Variants in NCAM2 observed in about 807,000 individuals in gnomAD.
The protein encoded by NCAM2 is N-CAM-2.
A neutral mutation model predicts 98.1 loss-of-function variants in NCAM2; 30 were observed. That is an observed-to-expected ratio of 0.31 (90% CI 0.23 to 0.41). NCAM2 has a LOEUF of 0.41. Among genes scored for constraint, NCAM2 ranks in the 10% least tolerant of loss-of-function variants. NCAM2 has a pLI of 1.00. For synonymous variants in NCAM2, 368 were observed against 342.4 expected, an observed-to-expected ratio of 1.07 and a Z score of -0.83; for missense variants, 867 against 1,005.8, an observed-to-expected ratio of 0.86 and a Z score of 1.87.
intron 9 of NCAM2, among the ~76,000 whole-genome samples, chr21:21,399,739 A>T (rs1403136960): frequency 6.6e-6 from 1 of 152,124 alleles, no homozygotes; most frequent in Non-Finnish European, 1.5e-5. Context: ...AGCCTGTGTT[A>T]TGCTTTATTA....
At chr21:21,117,580 C>T (rs1214152766) in intron 1 of NCAM2, among the ~76,000 whole-genome samples, 3 of 152,060 alleles carry the variant, frequency 2.0e-5, no homozygotes, top group Non-Finnish European at 4.4e-5. Flanking sequence ...GTAGGAAATA[C>T]TACAATTTGC....
At chr21:21,439,265 C>T (rs62214327) in intron 12 of NCAM2, among the ~76,000 whole-genome samples, 15 of 151,938 alleles carry the variant, frequency 9.9e-5, no homozygotes, top group East Asian at 7.8e-4. Context: ...ATTACAGGTG[C>T]GCGCCATCAC....
At chr21:21,147,357 T>G in intron 1 of NCAM2, 2 of 911,768 alleles carry the variant, frequency 2.2e-6, no homozygotes, top group Non-Finnish European at 2.6e-6. Flanking sequence ...TCAGTTGAAA[T>G]TTAGAGTAGA....
At chr21:21,349,727 G>A (rs1382111811) in intron 8 of NCAM2, among the ~76,000 whole-genome samples, 2 of 152,036 alleles carry the variant, frequency 1.3e-5, no homozygotes, top group Non-Finnish European at 2.9e-5. Context: ...ACACAGTTGG[G>A]TACTATTCAG....
intron 11 of NCAM2, among the ~76,000 whole-genome samples, chr21:21,420,790 G>A (rs1016865208): frequency 1.3e-5 from 2 of 151,194 alleles, no homozygotes; most frequent in African/African-American, 4.8e-5. Context: ...AAGAAGGCAG[G>A]GAGAAAAAAA....
At chr21:21,248,044 C>CT (rs2071343131) in intron 1 of NCAM2, among the ~76,000 whole-genome samples, 1 of 152,024 alleles carries the variant, frequency 6.6e-6, no homozygotes, top group South Asian at 2.1e-4. Flanking sequence ...TGTGTGATAT[C>CT]TTTGAGTTTT....
chr21:21,197,536 C>T (rs997767116), intron 1 of NCAM2, among the ~76,000 whole-genome samples: 3 of 152,172 alleles, frequency 2.0e-5, no homozygotes, highest in African/African-American at 4.8e-5. Context: ...AAAGAGAAGC[C>T]GCTCTGTTAA....
At chr21:21,016,617 T>G (rs74357526) in intron 1 of NCAM2, among the ~76,000 whole-genome samples, 11 of 152,182 alleles carry the variant, frequency 7.2e-5, no homozygotes, top group Non-Finnish European at 1.2e-4. Context: ...TCTTGTTAAG[T>G]GTAAGAATGA....
Position 21,234,673 on chromosome 21 carries a change from T to C in NCAM2, c.56-45905T>C, listed in dbSNP as rs375483602. 6.6e-5 allele frequency among the ~76,000 whole-genome samples: 10 copies of C among 152,096 alleles called. No individual in the cohort carries two copies. In the South Asian group the frequency reaches 1.7e-3, roughly 25 times the overall value. On this transcript the variant is annotated intron_variant, in intron 1 of 17. Transcript: ENST00000400546. ...GGTGTGAATCATACATGCGATTGTTTTCCCGGCATTAATGACCTCTTAACC... is the reference window on the plus strand; with the variant it reads ...GGTGTGAATCATACATGCGATTGTTCTCCCGGCATTAATGACCTCTTAACC...
intron 16 of NCAM2, among the ~76,000 whole-genome samples, chr21:21,517,133 A>G (rs1346259249): frequency 6.6e-6 from 1 of 152,194 alleles, no homozygotes; most frequent in Non-Finnish European, 1.5e-5. Flanking sequence ...CATCTCTGTC[A>G]ATGGAATAAG....
At chr21:20,999,824 T>C (rs1464867765) in intron 1 of NCAM2, among the ~76,000 whole-genome samples, 1 of 152,210 alleles carries the variant, frequency 6.6e-6, no homozygotes, top group Non-Finnish European at 1.5e-5. Flanking sequence ...CACAGAGTCC[T>C]TCTATCATTC....
chr21:21,239,877 T>A (rs1033851122), intron 1 of NCAM2, among the ~76,000 whole-genome samples: 1 of 152,148 alleles, frequency 6.6e-6, no homozygotes, highest in Non-Finnish European at 1.5e-5. Flanking sequence ...TTTATATAAA[T>A]GCTAATTGTG....
At chr21:21,321,335 G>A (rs1195989927) in intron 5 of NCAM2, among the ~76,000 whole-genome samples, 1 of 151,988 alleles carries the variant, frequency 6.6e-6, no homozygotes, top group Admixed American at 6.6e-5. Context: ...GGCATAGATT[G>A]CAAACATTTT....
At chr21:21,466,826 C>A in intron 13 of NCAM2, 101 bp downstream of exon 13, 2 of 1,192,914 alleles carry the variant, frequency 1.7e-6, no homozygotes, top group Non-Finnish European at 1.2e-6. Flanking sequence ...ACTTTTGAGA[C>A]ATGAATTATG....
intron 1 of NCAM2, among the ~76,000 whole-genome samples, chr21:21,225,165 C>G (rs73316744): frequency 0.013 from 1,960 of 152,162 alleles, 50 homozygotes; most frequent in African/African-American, 0.045. Flanking sequence ...GAACTGAGAA[C>G]CAAACACCAC....
intron 11 of NCAM2, among the ~76,000 whole-genome samples, chr21:21,431,223 G>C (rs1242364180): frequency 6.6e-6 from 1 of 150,842 alleles, no homozygotes; most frequent in Non-Finnish European, 1.5e-5. Flanking sequence ...AGATGTGATA[G>C]GAACAAAAGA....
chr21:21,202,552 G>T (rs1969037142), intron 1 of NCAM2, among the ~76,000 whole-genome samples: 1 of 151,478 alleles, frequency 6.6e-6, no homozygotes, highest in Admixed American at 6.6e-5. Context: ...AAGTAGCTGG[G>T]AATACAGGCA....
At chr21:21,145,848 G>T (rs895412949) in intron 1 of NCAM2, among the ~76,000 whole-genome samples, 1 of 152,100 alleles carries the variant, frequency 6.6e-6, no homozygotes, top group Non-Finnish European at 1.5e-5. Context: ...AGTAACTCAG[G>T]TAGAGTGTGA....
intron 1 of NCAM2, among the ~76,000 whole-genome samples, chr21:21,102,933 A>G (rs1470568262): frequency 6.6e-6 from 1 of 152,058 alleles, no homozygotes; most frequent in Non-Finnish European, 1.5e-5. Context: ...TTATGATTTT[A>G]TAATTCTGTG....
Sources: allele counts gnomAD v4.1 joint callset (sites outside exome capture counted in the v4.1 genomes callset), GRCh38; gene constraint gnomAD v4.1.1; transcripts MANE v1.5; gene names NCBI Gene and HGNC (gene_info 2026-07-23, HGNC 2026-07-21).